The following SWT1 variants were observed in gnomAD, a reference collection of about 807,000 sequenced individuals.
SWT1 encodes transcriptional protein SWT1.
A neutral mutation model predicts 107.3 loss-of-function variants in SWT1; 33 were observed. The observed-to-expected ratio is 0.31, with a 90% CI of 0.23 to 0.41. The LOEUF is 0.41. Among genes scored for constraint, SWT1 ranks in the 10% least tolerant of loss-of-function variants. The pLI, the probability that SWT1 is intolerant of heterozygous loss-of-function variation, is 1.00. For missense variants in SWT1, 898 were observed against 1,028.9 expected, an observed-to-expected ratio of 0.87 and a Z score of 1.74; for synonymous variants, 345 against 348.3, an observed-to-expected ratio of 0.99 and a Z score of 0.11.
chr1:185,197,504 A>C (rs558988971), intron 10 of SWT1, among the ~76,000 whole-genome samples: 1 of 151,816 alleles, frequency 6.6e-6, no homozygotes, highest in Non-Finnish European at 1.5e-5. Flanking sequence ...CTCTTTTTCT[A>C]TTGTTTGTAA....
In SWT1 at chr1:185,204,841, C is replaced by G. The variant is rs1262626118; in HGVS notation, c.1811C>G (p.Ala604Gly). The change falls in exon 12 of 19, where the codon GCT becomes GGT. Residue 604 changes from alanine (A) to glycine (G), a missense_variant. Ala to Gly is a moderately conservative substitution (Grantham distance 60, BLOSUM62 0). Transcript: ENST00000367500. ...ATATTAGAAACAGAAATGAAAATTG[C>G]TTTTGGAAACCTTTGGATGGAGGTG... Reference protein sequence around the residue: ...SSILETEMKIAFGNLWMEILY... With the variant: ...SSILETEMKIGFGNLWMEILY... The G allele has an allele frequency of 1.3e-6, 2 of 1,578,260 alleles. No individual in the cohort carries two copies. Among genetic ancestry groups the G allele is most frequent in the African/African-American group, 1.4e-5 (1 of 72,736 alleles).
intron 6 of SWT1, 105 bp downstream of exon 6, chr1:185,180,555 CAAT>C (rs1257635558): frequency 2.9e-5 from 23 of 791,588 alleles, no homozygotes; most frequent in South Asian, 6.1e-5. Flanking sequence ...ATGAAAATAA[CAAT>C]GATGTCTCTA....
At chr1:185,237,083 A>G (rs1660937194) in intron 16 of SWT1, among the ~76,000 whole-genome samples, 1 of 152,212 alleles carries the variant, frequency 6.6e-6, no homozygotes, top group African/African-American at 2.4e-5. Context: ...ATGTGGAGAA[A>G]TAGGAATGCT....
intron 9 of SWT1, among the ~76,000 whole-genome samples, chr1:185,189,139 A>G (rs922451923): frequency 6.6e-6 from 1 of 151,844 alleles, no homozygotes; most frequent in Non-Finnish European, 1.5e-5. Flanking sequence ...GGAGTGTGCC[A>G]CCGAGCCTGG....
chr1:185,213,269 C>T (rs1658969074), intron 13 of SWT1, among the ~76,000 whole-genome samples: 1 of 152,206 alleles, frequency 6.6e-6, no homozygotes, highest in Non-Finnish European at 1.5e-5. Flanking sequence ...CGTAGTTCAT[C>T]ACATCTACAG....
intron 12 of SWT1, among the ~76,000 whole-genome samples, chr1:185,205,515 T>A (rs961235053): frequency 1.6e-4 from 25 of 152,264 alleles, no homozygotes; most frequent in African/African-American, 4.6e-4. Context: ...ATTACAGGCA[T>A]GTGACATCAC....
intron 15 of SWT1, among the ~76,000 whole-genome samples, chr1:185,230,378 G>A (rs968323734): frequency 6.6e-6 from 1 of 152,166 alleles, no homozygotes; most frequent in Admixed American, 6.5e-5. Flanking sequence ...GAGTTTCTGA[G>A]GGAGGATCTG....
At chr1:185,198,147 T>C (rs567672513) in intron 10 of SWT1, among the ~76,000 whole-genome samples, 96 of 152,358 alleles carry the variant, frequency 6.3e-4, no homozygotes, top group African/African-American at 2.2e-3. Flanking sequence ...GTCTTTGTTC[T>C]GACTGGTTTC....
intron 10 of SWT1, among the ~76,000 whole-genome samples, chr1:185,193,041 C>G (rs1657090209): frequency 6.6e-6 from 1 of 152,114 alleles, no homozygotes; most frequent in East Asian, 1.9e-4. Context: ...TAACTGTCCT[C>G]TAAGCACTTC....
chr1:185,180,807 A>C (rs1655959526), intron 6 of SWT1, among the ~76,000 whole-genome samples: 1 of 152,232 alleles, frequency 6.6e-6, no homozygotes, highest in South Asian at 2.1e-4. Flanking sequence ...AAAAATCATC[A>C]ATAAGATGAA....
intron 16 of SWT1, among the ~76,000 whole-genome samples, chr1:185,268,305 A>C (rs996461052): frequency 6.6e-6 from 1 of 152,194 alleles, no homozygotes. Context: ...AAATAACTAA[A>C]TATTTACATT....
chr1:185,260,479 G>T (rs143533893), intron 16 of SWT1, among the ~76,000 whole-genome samples: 141 of 152,238 alleles, frequency 9.3e-4, no homozygotes, highest in African/African-American at 3.3e-3. Flanking sequence ...AAAAGAAAAT[G>T]AATCTTTAAC....
At chr1:185,252,538 A>G (rs1010186194) in intron 16 of SWT1, among the ~76,000 whole-genome samples, 16 of 152,290 alleles carry the variant, frequency 1.1e-4, no homozygotes, top group South Asian at 8.3e-4. Context: ...GCCAGTGATA[A>G]TGAGCATTTT....
intron 13 of SWT1, among the ~76,000 whole-genome samples, chr1:185,212,247 T>C (rs1324355541): frequency 6.6e-6 from 1 of 152,098 alleles, no homozygotes; most frequent in East Asian, 1.9e-4. Flanking sequence ...GAATCTCTTT[T>C]CATATCTTTT....
At chr1:185,246,180 G>T (rs1295687492) in intron 16 of SWT1, among the ~76,000 whole-genome samples, 1 of 152,126 alleles carries the variant, frequency 6.6e-6, no homozygotes, top group East Asian at 1.9e-4. Context: ...CTACATACTG[G>T]CTCTGAGTTA....
chr1:185,257,040 G>T (rs528651375), intron 16 of SWT1, among the ~76,000 whole-genome samples: 10 of 152,046 alleles, frequency 6.6e-5, no homozygotes, highest in Admixed American at 2.6e-4. Context: ...ATACCCTGCC[G>T]TGTGAGGTGT....
At chr1:185,160,534 C>G (rs1654048158) in intron 1 of SWT1, among the ~76,000 whole-genome samples, 1 of 151,972 alleles carries the variant, frequency 6.6e-6, no homozygotes, top group South Asian at 2.1e-4. Context: ...AACCCTGTCT[C>G]TACTAAAAAT....
intron 16 of SWT1, among the ~76,000 whole-genome samples, chr1:185,238,126 A>G (rs1661022837): frequency 6.6e-6 from 1 of 152,028 alleles, no homozygotes; most frequent in South Asian, 2.1e-4. Context: ...AGCTGGGACT[A>G]CAGGTACATG....
At chr1:185,183,563 G>A (rs1273730400) in intron 7 of SWT1, among the ~76,000 whole-genome samples, 2 of 152,160 alleles carry the variant, frequency 1.3e-5, no homozygotes, top group Non-Finnish European at 2.9e-5. Context: ...GATTACAGGC[G>A]TGAGCCACCA....
Sources: allele counts gnomAD v4.1 joint callset (sites outside exome capture counted in the v4.1 genomes callset), GRCh38; gene constraint gnomAD v4.1.1; transcripts MANE v1.5; gene names NCBI Gene and HGNC (gene_info 2026-07-23, HGNC 2026-07-21).